TOGARAM2: variants seen among roughly 807,000 people sequenced by gnomAD.
TOGARAM2 encodes the protein TOG array regulator of axonemal microtubules 2.
A neutral mutation model predicts 93.3 loss-of-function variants in TOGARAM2; 85 were observed. That is an observed-to-expected ratio of 0.91 (90% CI 0.76 to 1.09). TOGARAM2 has a LOEUF of 1.09. Among genes scored for constraint, TOGARAM2 ranks in the 50% least tolerant of loss-of-function variants. The probability of loss-of-function intolerance (pLI) is 0.00; values close to 1 mark genes in which losing one functional copy is unlikely to be tolerated. For synonymous variants in TOGARAM2, 593 were observed against 552.8 expected, an observed-to-expected ratio of 1.07 and a Z score of -1.02; for missense variants, 1,277 against 1,334.5, an observed-to-expected ratio of 0.96 and a Z score of 0.67.
At chr2:28,964,964 C>G (rs1270362442) in intron 1 of TOGARAM2, among the ~76,000 whole-genome samples, 1 of 152,076 alleles carries the variant, frequency 6.6e-6, no homozygotes, top group Non-Finnish European at 1.5e-5. Flanking sequence ...GTGTATGTAT[C>G]TTTATAATAG....
intron 10 of TOGARAM2, among the ~76,000 whole-genome samples, chr2:29,020,345 T>A (rs1052054425): frequency 6.6e-6 from 1 of 152,118 alleles, no homozygotes; most frequent in Non-Finnish European, 1.5e-5. Flanking sequence ...GCTTTGAAAA[T>A]AGAGGACAAG....
upstream of TOGARAM2, among the ~76,000 whole-genome samples, chr2:28,977,883 G>T (rs1230180383): frequency 6.6e-6 from 1 of 151,364 alleles, no homozygotes; most frequent in Non-Finnish European, 1.5e-5. Flanking sequence ...TTGGCCAAGG[G>T]AGATAGGTAT....
intron 1 of TOGARAM2, among the ~76,000 whole-genome samples, chr2:28,966,512 G>A (rs1671870466): frequency 6.6e-6 from 1 of 151,842 alleles, no homozygotes; most frequent in South Asian, 2.1e-4. Context: ...TGGCCAGGAT[G>A]GTCTTGATCT....
At chr2:29,015,064 G>A (rs539506046) in intron 8 of TOGARAM2, among the ~76,000 whole-genome samples, 2 of 152,326 alleles carry the variant, frequency 1.3e-5, no homozygotes, top group Admixed American at 6.5e-5. Context: ...TGGTTGGAAC[G>A]AATTTAGTGA....
intron 1 of TOGARAM2, among the ~76,000 whole-genome samples, chr2:28,989,934 T>C (rs1160020385): frequency 6.6e-6 from 1 of 152,218 alleles, no homozygotes; most frequent in Non-Finnish European, 1.5e-5. Context: ...ACCTATGGCA[T>C]GTTTGAATGA....
chr2:29,003,591 G>A lies in TOGARAM2; in HGVS notation c.739G>A (p.Ala247Thr). ...IPPIPKARTV[A>T]ATPSRVPGSL... ...ACCCATCCCAAAGGCCAGGACGGTT[G>A]CAGCGACCCCCTCCCGTGTGCCTGG... The change falls in exon 6 of 20, where the codon GCA (alanine) becomes ACA (threonine). Residue 247 changes from alanine to threonine, a missense_variant. Coordinates refer to ENST00000379558, the MANE Select transcript of TOGARAM2 (RefSeq NM_199280.4). 1 of 1,596,010 alleles carries A rather than the reference G, an allele frequency of 6.3e-7. No homozygotes were observed. The highest frequency in any genetic ancestry group is 1.1e-5 in the South Asian group (1 of 87,592).
Position 28,999,455 on chromosome 2 carries a change from A to G in TOGARAM2, c.414A>G (p.Ala138=). 6.2e-7 allele frequency: 1 copy of G among 1,607,996 alleles called. No homozygotes were observed. The highest frequency in any genetic ancestry group is 8.5e-7 in the Non-Finnish European group (1 of 1,176,626). ...LKKRRLSEGL[A]ASSRASLDPG... is the part of the protein sequence containing the mutation. ...AAAGGAGGCTCTCAGAGGGCTTGGC[A>G]GCGTCTTCCCGAGGTGAGCACTGGC... Residue 138 remains alanine (A), a synonymous_variant, in exon 4 of 20, where the codon GCA becomes GCG. Coordinates refer to ENST00000379558, the MANE Select transcript of TOGARAM2 (RefSeq NM_199280.4).
chr2:29,024,465 G>T, intron 13 of TOGARAM2, 91 bp downstream of exon 13: 1 of 821,578 alleles, frequency 1.2e-6, no homozygotes, highest in Non-Finnish European at 1.9e-6. Flanking sequence ...GGAGGGAAGG[G>T]TGCAGGGAGG....
At chr2:28,960,238 A>G (rs910329068) in intron 1 of TOGARAM2, among the ~76,000 whole-genome samples, 1 of 152,192 alleles carries the variant, frequency 6.6e-6, no homozygotes, top group Non-Finnish European at 1.5e-5. Flanking sequence ...GCATCATCAC[A>G]CTTTATTCTT....
chr2:29,021,172 C>T (rs1285423707), intron 10 of TOGARAM2, among the ~76,000 whole-genome samples: 1 of 152,172 alleles, frequency 6.6e-6, no homozygotes, highest in Non-Finnish European at 1.5e-5. Flanking sequence ...CCTTGGCCTC[C>T]CAAAGTGCTG....
In TOGARAM2 at chr2:29,035,576, C is replaced by T. The variant is rs761175759; in HGVS notation, c.2338C>T (p.Arg780Trp). 3.3e-5 allele frequency: 53 copies of T among 1,591,816 alleles called. No individual in the cohort carries two copies. The highest frequency in any genetic ancestry group is 2.5e-4 in the East Asian group (11 of 44,038). ...LTRLLEAKDF[R>W]SRMEGVGQLL... ...ACGGCTGCTGGAGGCCAAGGACTTCCGGTCCCGGATGGAAGGCGTGGGGCA... is the reference window on the plus strand; with the variant it reads ...ACGGCTGCTGGAGGCCAAGGACTTCTGGTCCCGGATGGAAGGCGTGGGGCA... The change falls in exon 17 of 20, where the codon CGG (arginine) becomes TGG (tryptophan). Residue 780 changes from arginine (R) to tryptophan (W), a missense_variant. Physicochemically the swap from Arg to Trp is moderately radical, Grantham distance 101. Transcript: ENST00000379558.
intron 1 of TOGARAM2, among the ~76,000 whole-genome samples, chr2:28,987,565 A>T (rs7570068): frequency 0.46 from 69,436 of 152,058 alleles, 16,612 homozygotes; most frequent in Middle Eastern, 0.56. Flanking sequence ...CTGGGATTAC[A>T]GGTGTGAGCC....
chr2:28,973,440 C>CCTTCCTTCCTCCTTTCCTTCTTTCCT (rs767123404), intron 1 of TOGARAM2, among the ~76,000 whole-genome samples: 9,188 of 35,558 alleles, frequency 0.26, 437 homozygotes, highest in East Asian at 0.59. Flanking sequence ...TCCTTCCCTT[C>CCTTCCTTCCTCCTTTCCTTCTTTCCT]CCCTTCCTTC....
At chr2:28,964,184 C>T (rs147023199) in intron 1 of TOGARAM2, among the ~76,000 whole-genome samples, 103 of 152,254 alleles carry the variant, frequency 6.8e-4, no homozygotes, top group African/African-American at 2.4e-3. Context: ...GTCTGTTTTT[C>T]CTTCAATTCT....
chr2:28,983,336 C>T (rs924620338), intron 1 of TOGARAM2, among the ~76,000 whole-genome samples: 5 of 140,972 alleles, frequency 3.5e-5, no homozygotes, highest in East Asian at 4.3e-4. Flanking sequence ...TGAGCCACCA[C>T]GCTGGGCCTA....
Position 29,002,758 on chromosome 2 carries a change from T to C in TOGARAM2, c.639+11T>C. 6.2e-7 allele frequency: 1 copy of C among 1,610,628 alleles called. No individual in the cohort carries two copies. Among genetic ancestry groups the C allele is most frequent in the Non-Finnish European group, 8.5e-7 (1 of 1,178,278 alleles). On this transcript the variant is annotated intron_variant, in intron 5 of 19. Coordinates refer to ENST00000379558, the MANE Select transcript of TOGARAM2 (RefSeq NM_199280.4). ...CCCGGTGCTCAGGAGGTAAGGTGGT[T>C]CGACTGCTGTGAGTCTGGTCCTCAG...
At chr2:28,999,157 C>T in intron 3 of TOGARAM2, 24 bp from the exon 4 acceptor site, 1 of 1,584,722 alleles carries the variant, frequency 6.3e-7, no homozygotes, top group Non-Finnish European at 8.6e-7. Context: ...CGTGCCAAGC[C>T]ATTCACACCT....
intron 6 of TOGARAM2, among the ~76,000 whole-genome samples, chr2:29,008,544 C>G (rs1239861168): frequency 6.6e-6 from 1 of 152,212 alleles, no homozygotes; most frequent in South Asian, 2.1e-4. Context: ...GTAACCTCTG[C>G]CTCCCTGGTT....
rs1221970407 is a variant in TOGARAM2 at position 29,032,939 on chromosome 2, A to G, written c.2018A>G (p.Tyr673Cys). Reference protein sequence around the residue: ...AQDSNQDTRFYGRKMVNILMA... With the variant: ...AQDSNQDTRFCGRKMVNILMA... The stretch of plus-strand genomic sequence containing the variant: ...TGCTCTCTCTCCTGTGGCAGATTTT[A>G]TGGCCGGAAGATGGTGAATATCTTG... Residue 673 changes from tyrosine (Y) to cysteine (C), a missense_variant, in exon 15 of 20, where the codon TAT becomes TGT. Tyr to Cys is a radical substitution (Grantham distance 194). Transcript: ENST00000379558. The G allele has an allele frequency of 3.7e-6, 6 of 1,613,306 alleles. No homozygotes were observed. The highest frequency in any genetic ancestry group is 2.2e-5 in the East Asian group (1 of 44,888).
Sources: gnomAD v4.1 joint callset for allele counts (sites outside exome capture counted in the v4.1 genomes callset) on GRCh38, gnomAD v4.1.1 for gene constraint, MANE v1.5 for transcripts, NCBI Gene and HGNC (gene_info 2026-07-23, HGNC 2026-07-21) for gene names.